Variants in NISCH observed in about 807,000 individuals in gnomAD.
NISCH encodes the protein nischarin.
NISCH carries 55 observed loss-of-function variants against 138.4 expected under a neutral mutation model. The ratio of observed to expected loss-of-function variants is 0.40; its 90% CI spans 0.32 to 0.50. The LOEUF (loss-of-function observed/expected upper bound fraction) is 0.50. Ranked by LOEUF, NISCH falls within the 20% of genes least tolerant of loss-of-function variation. The pLI is 0.71. For synonymous variants in NISCH, 860 were observed against 861.5 expected (o/e 1.00, Z 0.03); for missense variants, 1,643 against 2,005.5 (o/e 0.82, Z 3.45).
intron 8 of NISCH, 103 bp downstream of exon 8, chr3:52,476,702 A>C: frequency 8.5e-7 from 1 of 1,173,774 alleles, no homozygotes; most frequent in Non-Finnish European, 1.2e-6. Context: ...GAAAACCTAT[A>C]TCTAGTGCTC....
At chr3:52,470,167 A>G (rs2153231025) in intron 3 of NISCH, among the ~76,000 whole-genome samples, 1 of 151,914 alleles carries the variant, frequency 6.6e-6, no homozygotes, top group Admixed American at 6.5e-5. Context: ...TCAGTGGCTC[A>G]GGGCATGACC....
chr3:52,457,293 A>G (rs1051036409), intron 1 of NISCH, among the ~76,000 whole-genome samples: 1 of 152,154 alleles, frequency 6.6e-6, no homozygotes, highest in African/African-American at 2.4e-5. Flanking sequence ...CCCTCCCCAC[A>G]TCAGCTGCTT....
At chr3:52,472,052 G>A in intron 5 of NISCH, 75 bp downstream of exon 5, 2 of 1,467,852 alleles carry the variant, frequency 1.4e-6, no homozygotes, top group Non-Finnish European at 1.8e-6. Context: ...CTGGCTGGCA[G>A]TTTGTGTGAA....
intron 6 of NISCH, among the ~76,000 whole-genome samples, chr3:52,472,746 C>A (rs186815858): frequency 6.6e-6 from 1 of 152,174 alleles, no homozygotes; most frequent in Non-Finnish European, 1.5e-5. Context: ...GAACTAAATA[C>A]AAGTCTGTAT....
chr3:52,471,325 G>A (rs964195668), intron 4 of NISCH: 8 of 272,908 alleles, frequency 2.9e-5, no homozygotes, highest in African/African-American at 1.5e-4. Context: ...CGGGGTCAGC[G>A]GCCCAGTCAC....
At chr3:52,489,937 C>G (rs975130805) in intron 17 of NISCH, 138 bp from the exon 18 acceptor site, 1 of 1,289,314 alleles carries the variant, frequency 7.8e-7, no homozygotes, top group Admixed American at 2.4e-5. Flanking sequence ...CCCTCTCTTC[C>G]TCTCTGCCTT....
At chr3:52,472,881 A>T (rs374326889) in intron 6 of NISCH, among the ~76,000 whole-genome samples, 132 of 152,354 alleles carry the variant, frequency 8.7e-4, no homozygotes, top group African/African-American at 2.9e-3. Flanking sequence ...AGCATTTTTG[A>T]AAAGAAAAGT....
chr3:52,488,676 G>A (rs1047931664), intron 16 of NISCH, 71 bp downstream of exon 16: 9 of 1,286,580 alleles, frequency 7.0e-6, no homozygotes, highest in East Asian at 2.5e-5. Flanking sequence ...CAGCATCTGC[G>A]GCTAGTGTGG....
intron 3 of NISCH, among the ~76,000 whole-genome samples, chr3:52,459,971 A>G (rs1391339498): frequency 6.7e-6 from 1 of 149,964 alleles, no homozygotes; most frequent in African/African-American, 2.4e-5. Context: ...ACTTGAGGTC[A>G]GGAGTTCAAG....
At position 52,492,397 on chromosome 3, in the gene NISCH, A is replaced by G; in HGVS notation, c.4430A>G (p.Glu1477Gly). 1 of 1,613,002 alleles carries G rather than the reference A, an allele frequency of 6.2e-7. No homozygotes were observed. Among genetic ancestry groups the G allele is most frequent in the Non-Finnish European group, 8.5e-7 (1 of 1,179,992 alleles). The change falls in exon 21 of 21, where the codon GAG (glutamate) becomes GGG (glycine). Residue 1477 changes from glutamate to glycine, a missense_variant. Physicochemically the swap from Glu to Gly is moderately conservative, Grantham distance 98 (BLOSUM62 -2). Coordinates refer to ENST00000345716, the MANE Select transcript of NISCH (RefSeq NM_007184.4). ...TGGCAGGTGTTTGTCCCCAGTGCTG[A>G]GAGCAGAGAGAAGCTCATCTCGCTG... ...VQWQVFVPSA[E>G]SREKLISLLA...
chr3:52,488,513 C>T lies in NISCH; in HGVS notation c.3021C>T (p.Asp1007=), dbSNP rs1313837462. ...ACCAGCTGCGGGCCTCGCTGCAGGA[C>T]CTGAAGACTGTGGTCATCGCCAAGA... The part of the protein sequence containing the change: ...VYNQLRASLQ[D]LKTVVIAKTP... Residue 1007 remains aspartate, a synonymous_variant, in exon 16 of 21, where the codon GAC becomes GAT. Transcript: ENST00000345716. 6.2e-7 allele frequency: 1 copy of T among 1,613,176 alleles called. No individual in the cohort carries two copies. The highest frequency in any genetic ancestry group is 8.5e-7 in the Non-Finnish European group (1 of 1,180,012).
intron 3 of NISCH, among the ~76,000 whole-genome samples, chr3:52,467,279 G>C (rs1013200357): frequency 1.1e-4 from 17 of 152,120 alleles, no homozygotes; most frequent in Non-Finnish European, 2.2e-4. Flanking sequence ...GGGATGATGG[G>C]TGAGCCATGG....
Position 52,480,252 on chromosome 3 carries a change from T to C in NISCH, c.1485T>C (p.Ala495=). 1 of 1,613,862 alleles carries C rather than the reference T, an allele frequency of 6.2e-7. No homozygotes were observed. Among genetic ancestry groups the C allele is most frequent in the Middle Eastern group, 1.7e-4 (1 of 6,060 alleles). ...IRPSSSPPTV[A]PASASLPQPI... ...CCAGCAGCTCCCCTCCCACTGTGGC[T>C]CCCGCATCTGCCTCCCTGCCCCAGC... is the stretch of plus-strand genomic sequence containing the variant. Residue 495 remains alanine (A), a synonymous_variant, in exon 13 of 21, where the codon GCT becomes GCC. Coordinates refer to ENST00000345716, the MANE Select transcript of NISCH (RefSeq NM_007184.4).
intron 6 of NISCH, 55 bp from the exon 7 acceptor site, chr3:52,473,679 G>T: frequency 7.8e-7 from 1 of 1,289,464 alleles, no homozygotes; most frequent in South Asian, 1.3e-5. Context: ...TGCATCTGGG[G>T]ACTTCTGACG....
At position 52,487,437 on chromosome 3, in the gene NISCH, G is replaced by A. The variant is rs138175917; in HGVS notation, c.1945G>A (p.Val649Met). Residue 649 changes from valine to methionine, a missense_variant, in exon 16 of 21, where the codon GTG becomes ATG. Transcript: ENST00000345716. The surrounding 1 kb of genome is among the most constrained non-coding windows in gnomAD (Gnocchi z 9.1). The stretch of plus-strand genomic sequence containing the variant: ...TGAGGAGGAGGAAGAAGAGGAGGAC[G>A]TGGCTGAGAACCGCTACTTTGAAAT... ...EDEEEEEEEDVAENRYFEMGP... is the reference protein window; with the variant it reads ...EDEEEEEEEDMAENRYFEMGP... 144 of 1,609,250 alleles carry A rather than the reference G, an allele frequency of 8.9e-5. 1 individual carries two copies. Among genetic ancestry groups the A allele is most frequent in the Middle Eastern group, 3.3e-4 (2 of 6,050 alleles).
chr3:52,492,167 G>A lies in NISCH; in HGVS notation c.4200G>A (p.Pro1400=), dbSNP rs201159290. 9.9e-6 allele frequency: 16 copies of A among 1,613,150 alleles called. No homozygotes were observed. The highest frequency in any genetic ancestry group is 2.2e-5 in the East Asian group (1 of 44,884). The stretch of plus-strand genomic sequence containing the variant: ...TGCCCGAGTTTGCCAAAGAGCCGCC[G>A]CAGAGAGACAGGTACCGGCTGGACG... The part of the protein sequence containing the change: ...YPLPEFAKEP[P]QRDRYRLDDG... Residue 1400 remains proline, a synonymous_variant, in exon 21 of 21, where the codon CCG becomes CCA. Coordinates refer to ENST00000345716, the MANE Select transcript of NISCH (RefSeq NM_007184.4).
Position 52,489,361 on chromosome 3 carries a change from C to A in NISCH, c.3139C>A (p.Pro1047Thr), listed in dbSNP as rs1707498614. 6.2e-7 allele frequency: 1 copy of A among 1,611,732 alleles called. No homozygotes were observed. The highest frequency in any genetic ancestry group is 1.7e-5 in the Admixed American group (1 of 59,936). ...CAATGACCAGCGTCCCCAGGAGGTC[C>A]CAGCAGAGGCTCTGGCCCCGGCCCC... ...ASNDQRPQEV[P>T]AEALAPAPAE... The change falls in exon 17 of 21, where the codon CCA (proline) becomes ACA (threonine). Residue 1047 changes from proline (P) to threonine (T), a missense_variant. Pro to Thr is a conservative substitution (Grantham distance 38, BLOSUM62 -1). Transcript: ENST00000345716.
In NISCH at chr3:52,487,718, G is replaced by A. The variant is rs746659236; in HGVS notation, c.2226G>A (p.Pro742=). The A allele has an allele frequency of 1.7e-5, 27 of 1,613,618 alleles. No individual in the cohort carries two copies. The highest frequency in any genetic ancestry group is 2.0e-5 in the Non-Finnish European group (24 of 1,179,994). ...TDFGIAVFEI[P]HQESRGSSQH... ...TCGGCATCGCAGTCTTCGAGATCCC[G>A]CACCAGGAGTCTCGGGGCAGCAGCC... The change falls in exon 16 of 21, where the codon CCG becomes CCA. Residue 742 remains proline, a synonymous_variant. Transcript: ENST00000345716. This position sits in a 1 kb window ranked among gnomAD's most constrained non-coding sequence, Gnocchi z 9.1.
chr3:52,484,646 C>T lies in NISCH; in HGVS notation c.1653+9C>T. 1 of 1,613,796 alleles carries T rather than the reference C, an allele frequency of 6.2e-7. No individual in the cohort carries two copies. The highest frequency in any genetic ancestry group is 8.5e-7 in the Non-Finnish European group (1 of 1,179,918). ...CCATCCCTGCGGGACAGGTAATGCC[C>T]TCTTCCCGCTTCTGGGGACCATACA... On this transcript the variant is annotated intron_variant, in intron 14 of 20. Coordinates refer to ENST00000345716, the MANE Select transcript of NISCH (RefSeq NM_007184.4).
Sources: allele counts gnomAD v4.1 joint callset (sites outside exome capture counted in the v4.1 genomes callset), GRCh38; gene constraint gnomAD v4.1.1; non-coding constraint Gnocchi (gnomAD v3.1); transcripts MANE v1.5; gene names NCBI Gene and HGNC (gene_info 2026-07-23, HGNC 2026-07-21).